FOXO3B: variants seen among roughly 807,000 people sequenced by gnomAD.
FOXO3B encodes the protein forkhead box protein O3B.
Under a neutral mutation model 21.9 loss-of-function variants are expected in FOXO3B, and 15 were observed. That is an observed-to-expected ratio of 0.68 (90% CI 0.46 to 1.05). FOXO3B has a LOEUF of 1.05. Ranked by LOEUF, FOXO3B falls within the 50% of genes least tolerant of loss-of-function variation. The probability of loss-of-function intolerance (pLI) is 0.00; values close to 1 mark genes in which losing one functional copy is unlikely to be tolerated. For synonymous variants in FOXO3B, 135 were observed against 213.6 expected (o/e 0.63, Z 3.21); for missense variants, 293 against 435.5 (o/e 0.67, Z 2.91).
intron 2 of FOXO3B, among the ~76,000 whole-genome samples, chr17:18,681,054 G>C (rs1300164196): frequency 6.6e-6 from 1 of 151,886 alleles, no homozygotes; most frequent in Non-Finnish European, 1.5e-5. Context: ...CATTCTGTAA[G>C]ATGGCATCCT....
rs1408840788 is a variant in FOXO3B at position 18,672,933 on chromosome 17, C to T, written c.249G>A (p.Ala83=). ...AAGCCGGTGCCTCTGCCATCTTCGC[C>T]GCCCGCCCGGCCGCGGCTGGGGTTC... The part of the protein sequence containing the change: ...SARTPAAAGR[A]AKMAEAPASP... Residue 83 remains alanine, a synonymous_variant, in exon 4 of 4, where the codon GCG becomes GCA. Coordinates refer to ENST00000395675, the MANE Select transcript of FOXO3B (RefSeq NM_001368135.1). The surrounding 1 kb of genome is among the most constrained non-coding windows in gnomAD (Gnocchi z 4.2). 3.3e-6 allele frequency: 5 copies of T among 1,533,638 alleles called. No individual in the cohort carries two copies. The East Asian group carries it at 1.0e-4, about 31-fold the overall frequency.
At chr17:18,677,911 C>CGAAAAAAA (rs2032522744) in intron 3 of FOXO3B, among the ~76,000 whole-genome samples, 1 of 92,702 alleles carries the variant, frequency 1.1e-5, no homozygotes, top group Non-Finnish European at 2.1e-5. Flanking sequence ...GTTGGAAAAG[C>CGAAAAAAA]AAAAAAAAAA....
chr17:18,677,357 C>T (rs564203136), intron 3 of FOXO3B: 17 of 1,613,138 alleles, frequency 1.1e-5, no homozygotes, highest in African/African-American at 8.0e-5. Context: ...CGAACTTGGG[C>T]GCCAATGGCG....
chr17:18,680,073 T>C (rs941810363), intron 3 of FOXO3B, among the ~76,000 whole-genome samples: 9 of 151,816 alleles, frequency 5.9e-5, no homozygotes, highest in African/African-American at 2.2e-4. Context: ...TCTCCTGACC[T>C]AGTCATCTAC....
In FOXO3B at chr17:18,672,287, G is replaced by A; in HGVS notation, c.*22C>T. On this transcript the variant is annotated 3_prime_UTR_variant, in exon 4 of 4. Coordinates refer to ENST00000395675, the MANE Select transcript of FOXO3B (RefSeq NM_001368135.1). This position sits in a 1 kb window ranked among gnomAD's most constrained non-coding sequence, Gnocchi z 4.2. The stretch of plus-strand genomic sequence containing the variant: ...CGCATGAATCGACTATGCAGTGACA[G>A]GTTGTGCCGGATGGAGTTCTTCTAG... 3 of 1,611,964 alleles carry A rather than the reference G, an allele frequency of 1.9e-6. No homozygotes were observed. The highest frequency in any genetic ancestry group is 2.5e-6 in the Non-Finnish European group (3 of 1,178,432).
At position 18,668,084 on chromosome 17, in the gene FOXO3B, A is replaced by G. The variant is rs527385912; in HGVS notation, c.*4225T>C. On this transcript the variant is annotated 3_prime_UTR_variant, in exon 4 of 4. Transcript: ENST00000395675. ...TGGCAGCACCCCTGCCCACTTCAGA[A>G]CCGGGCTAGTCTCTGGGGCCCTGGC... 19 of 152,338 alleles carry G rather than the reference A, an allele frequency of 1.2e-4. No individual in the cohort carries two copies. Among genetic ancestry groups the G allele is most frequent in the Non-Finnish European group, 2.6e-4 (18 of 68,178 alleles). 9.4% of individuals were successfully genotyped at this position (152,338 alleles called of 1,614,324 possible).
rs535251235 is a variant in FOXO3B at position 18,671,691 on chromosome 17, G to C, written c.*618C>G. The C allele has an allele frequency of 5.2e-5, 84 of 1,613,632 alleles. 1 individual carries two copies. The African/African-American group carries it at 1.0e-3, about 19-fold the overall frequency. On this transcript the variant is annotated 3_prime_UTR_variant, in exon 4 of 4. Coordinates refer to ENST00000395675, the MANE Select transcript of FOXO3B (RefSeq NM_001368135.1). ...GCCCTTGGTGGTATACGGGAAGCTA[G>C]AACTCCGCTGCATGAGTCCCCCAGT...
In FOXO3B at chr17:18,680,779, C is replaced by T. The variant is rs746353927; in HGVS notation, c.88G>A (p.Gly30Arg). The T allele has an allele frequency of 3.5e-5, 57 of 1,613,642 alleles. No individual in the cohort carries two copies. Among genetic ancestry groups the T allele is most frequent in the Non-Finnish European group, 4.5e-5 (53 of 1,179,942 alleles). ...PHFQEKSTEE[G>R]EVAALRLTAR... ...GTGAGGCGCAGAGCAGCCACTTCTC[C>T]CTCTTCTGTGCTCTTCTCTTGGAAA... The change falls in exon 3 of 4, where the codon GGA (glycine) becomes AGA (arginine). Residue 30 changes from glycine to arginine, a missense_variant. Transcript: ENST00000395675.
chr17:18,677,535 C>G, intron 3 of FOXO3B: 1 of 1,610,970 alleles, frequency 6.2e-7, no homozygotes, highest in Admixed American at 1.7e-5. Flanking sequence ...GGCTCGGGCC[C>G]GTCTGCTCAC....
At chr17:18,682,020 C>G in intron 1 of FOXO3B, 174 bp from the exon 2 acceptor site, 1 of 603,700 alleles carries the variant, frequency 1.7e-6, no homozygotes, top group Non-Finnish European at 3.0e-6. Context: ...GACCACCCCG[C>G]CCGTGGCACA....
At position 18,670,495 on chromosome 17, in the gene FOXO3B, G is replaced by A. The variant is rs545663744; in HGVS notation, c.*1814C>T. 3.4e-4 allele frequency among the ~76,000 whole-genome samples: 52 copies of A among 152,306 alleles called. No individual in the cohort carries two copies. Among genetic ancestry groups the A allele is most frequent in the Admixed American group, 5.2e-4 (8 of 15,302 alleles). On this transcript the variant is annotated 3_prime_UTR_variant, in exon 4 of 4. Transcript: ENST00000395675. ...CAAGTTAATGCATGTGAAAAACTCA[G>A]AAAGTCAAAGGAAAACAAACACAAG...
At chr17:18,676,601 TACAC>T (rs2032487062) in intron 3 of FOXO3B, among the ~76,000 whole-genome samples, 1 of 152,202 alleles carries the variant, frequency 6.6e-6, no homozygotes, top group South Asian at 2.1e-4. Context: ...TCTCTGTGTA[TACAC>T]ACACATACAC....
chr17:18,680,104 G>C (rs534191124), intron 3 of FOXO3B, among the ~76,000 whole-genome samples: 1 of 152,290 alleles, frequency 6.6e-6, no homozygotes, highest in African/African-American at 2.4e-5. Flanking sequence ...CTCCCAAAGT[G>C]CTGGAATTAC....
At chr17:18,673,943 C>T (rs2032427263) in intron 3 of FOXO3B, among the ~76,000 whole-genome samples, 1 of 147,904 alleles carries the variant, frequency 6.8e-6, no homozygotes, top group Admixed American at 6.6e-5. Context: ...AAAGACTGTG[C>T]GTAGATTTCC....
In FOXO3B at chr17:18,668,932, A is replaced by G. The variant is rs997992000; in HGVS notation, c.*3377T>C. On this transcript the variant is annotated 3_prime_UTR_variant, in exon 4 of 4. Coordinates refer to ENST00000395675, the MANE Select transcript of FOXO3B (RefSeq NM_001368135.1). The stretch of plus-strand genomic sequence containing the variant: ...AGCAGACCATATGAATAGAATACAT[A>G]CTTTAAAAAATTATACATACTTTAA... The G allele has an allele frequency of 9.8e-5, 15 of 152,450 alleles. No individual in the cohort carries two copies. Among genetic ancestry groups the G allele is most frequent in the Admixed American group, 9.8e-4 (15 of 15,292 alleles). The allele number at this position is 152,450 out of a possible 1,614,324, so 9.4% of individuals were successfully genotyped here. A position where few individuals can be genotyped will look rare whatever the true frequency, so the allele number is the denominator to read the frequency against.
chr17:18,677,820 G>C, intron 3 of FOXO3B: 1 of 1,222,502 alleles, frequency 8.2e-7, no homozygotes, highest in Non-Finnish European at 1.1e-6. Context: ...CTCCAACTCT[G>C]TCTCTAAGTT....
At chr17:18,677,352 T>A (rs76948838) in intron 3 of FOXO3B, 4 of 1,605,378 alleles carry the variant, frequency 2.5e-6, no homozygotes, top group South Asian at 1.1e-5. Context: ...CCACCCGAAC[T>A]TGGGCGCCAA....
At chr17:18,676,700 C>T (rs1453380736) in intron 3 of FOXO3B, among the ~76,000 whole-genome samples, 4 of 151,128 alleles carry the variant, frequency 2.6e-5, no homozygotes, top group Admixed American at 1.3e-4. Context: ...CTTTTCTTTG[C>T]TTTTTGTTTT....
rs889347668 is a variant in FOXO3B at position 18,673,036 on chromosome 17, G to A, written c.146C>T (p.Ala49Val). The A allele has an allele frequency of 7.2e-5, 99 of 1,383,066 alleles. 1 individual carries two copies. In the Middle Eastern group the frequency reaches 4.6e-3, roughly 64 times the overall value. The allele number at this position is 1,383,066 out of a possible 1,614,324, so 85.7% of individuals were successfully genotyped here. ...GCCGCGAAGGCTCCGGCTCCCGGGC[G>A]CCGCCGCCGCCGCCGCCGCCTGGGG... ...ARSQAAAAAA[A>V]PGSRSLRGVH... The change falls in exon 4 of 4, where the codon GCG becomes GTG. Residue 49 changes from alanine to valine, a missense_variant. By Grantham distance (64) the Ala-to-Val change is moderately conservative (BLOSUM62 0). This residue lies in a region of FOXO3B where 251 missense variants were observed against 404.0 expected (regional missense o/e 0.62). Coordinates refer to ENST00000395675, the MANE Select transcript of FOXO3B (RefSeq NM_001368135.1).
Sources: allele counts gnomAD v4.1 joint callset (sites outside exome capture counted in the v4.1 genomes callset), GRCh38; gene constraint gnomAD v4.1.1; regional missense constraint gnomAD v4.1.1; non-coding constraint Gnocchi (gnomAD v3.1); transcripts MANE v1.5; gene names NCBI Gene and HGNC (gene_info 2026-07-23, HGNC 2026-07-21).